The following SCHIP1 variants were observed in gnomAD, a reference collection of about 807,000 sequenced individuals.
The protein encoded by SCHIP1 is schwannomin interacting protein 1, also known as schwannomin-interacting protein 1.
A neutral mutation model predicts 29.7 loss-of-function variants in SCHIP1; 8 were observed. That is an observed-to-expected ratio of 0.27 (90% CI 0.16 to 0.49). The LOEUF is 0.49. SCHIP1 is among the 20% of genes least tolerant of loss of function. The probability of loss-of-function intolerance (pLI) is 0.99; values close to 1 mark genes in which losing one functional copy is unlikely to be tolerated. For synonymous variants in SCHIP1, 76 were observed against 94.9 expected, an observed-to-expected ratio of 0.80 and a Z score of 1.16; for missense variants, 193 against 294.6, an observed-to-expected ratio of 0.66 and a Z score of 2.52.
the SCHIP1 span, among the ~76,000 whole-genome samples, chr3:159,371,650 C>G: frequency 6.6e-6 from 1 of 152,098 alleles, no homozygotes; most frequent in Non-Finnish European, 1.5e-5. Flanking sequence ...CTGGACCTAC[C>G]AAGGATACCA....
chr3:159,440,965 G>A, the SCHIP1 span, among the ~76,000 whole-genome samples: 1 of 152,150 alleles, frequency 6.6e-6, no homozygotes, highest in Non-Finnish European at 1.5e-5. Context: ...AGACTATTTT[G>A]TCAAGAGACA....
the SCHIP1 span, among the ~76,000 whole-genome samples, chr3:159,292,618 C>T: frequency 6.6e-6 from 1 of 152,100 alleles, no homozygotes; most frequent in Non-Finnish European, 1.5e-5. Context: ...TAGTACATCC[C>T]TCATAAGAAT....
chr3:159,850,483 G>A (rs1200574102), intron 1 of SCHIP1, among the ~76,000 whole-genome samples: 3 of 148,252 alleles, frequency 2.0e-5, no homozygotes, highest in Non-Finnish European at 3.0e-5. Flanking sequence ...GAACCTGGGA[G>A]GCAGATGTTG....
chr3:159,493,130 C>T, the SCHIP1 span, among the ~76,000 whole-genome samples: 1 of 152,174 alleles, frequency 6.6e-6, no homozygotes, highest in East Asian at 1.9e-4. Flanking sequence ...ACAACAAGTA[C>T]CAGCCACTGC....
At chr3:159,806,971 T>A in the SCHIP1 span, among the ~76,000 whole-genome samples, 1 of 152,238 alleles carries the variant, frequency 6.6e-6, no homozygotes, top group Non-Finnish European at 1.5e-5. Flanking sequence ...CCTGCACTTG[T>A]CTCTTAATTA....
chr3:159,626,266 A>AGATAGATG, the SCHIP1 span, among the ~76,000 whole-genome samples: 1 of 142,202 alleles, frequency 7.0e-6, no homozygotes, highest in African/African-American at 2.8e-5. Context: ...ATAGATAGAT[A>AGATAGATG]GATAGATAGA....
the SCHIP1 span, among the ~76,000 whole-genome samples, chr3:159,319,309 C>A: frequency 6.6e-6 from 1 of 152,052 alleles, no homozygotes; most frequent in African/African-American, 2.4e-5. Context: ...TCATTTTCTC[C>A]TTAGGCTGAA....
At chr3:159,897,041 AGT>A (rs1292782662) in exon 7 of SCHIP1, 1 of 289,146 alleles carries the variant, frequency 3.5e-6, no homozygotes, top group East Asian at 5.9e-5. Flanking sequence ...AAAAGAGAGT[AGT>A]TTTAACTTTA....
the SCHIP1 span, among the ~76,000 whole-genome samples, chr3:159,612,152 G>A: frequency 1.2e-4 from 18 of 152,046 alleles, no homozygotes; most frequent in East Asian, 3.3e-3. Flanking sequence ...CAAAAAAACT[G>A]TACTTTGCAG....
the SCHIP1 span, among the ~76,000 whole-genome samples, chr3:159,350,565 A>G: frequency 6.6e-6 from 1 of 152,138 alleles, no homozygotes; most frequent in East Asian, 1.9e-4. Flanking sequence ...CTTTCAATGA[A>G]CTTGATATTT....
intron 2 of SCHIP1, among the ~76,000 whole-genome samples, chr3:159,873,396 A>G (rs1715471259): frequency 6.6e-6 from 1 of 152,180 alleles, no homozygotes; most frequent in Non-Finnish European, 1.5e-5. Context: ...ATCAAGTAAC[A>G]TGAGGGTCTG....
chr3:159,313,155 A>G, the SCHIP1 span, among the ~76,000 whole-genome samples: 1 of 152,214 alleles, frequency 6.6e-6, no homozygotes, highest in Non-Finnish European at 1.5e-5. Flanking sequence ...GTTAACAACA[A>G]AAAGCTTCTT....
At chr3:159,308,121 G>A in the SCHIP1 span, among the ~76,000 whole-genome samples, 21 of 152,064 alleles carry the variant, frequency 1.4e-4, no homozygotes, top group African/African-American at 4.1e-4. Context: ...AATGACTTTG[G>A]GAGTTTGATA....
chr3:159,424,649 T>C, the SCHIP1 span, among the ~76,000 whole-genome samples: 1 of 152,206 alleles, frequency 6.6e-6, no homozygotes, highest in East Asian at 1.9e-4. Flanking sequence ...TTCCCCAATC[T>C]AGCAAGGCAG....
At chr3:159,342,775 C>A in the SCHIP1 span, among the ~76,000 whole-genome samples, 1 of 152,054 alleles carries the variant, frequency 6.6e-6, no homozygotes. Flanking sequence ...ACTAGACAGT[C>A]CACAGTAGAA....
At chr3:159,274,714 A>T in the SCHIP1 span, 429,291 of 812,956 alleles carry the variant, frequency 0.53, 114,363 homozygotes, top group Non-Finnish European at 0.54. Flanking sequence ...AGCTATTCAA[A>T]TTTTTTTCTA....
chr3:159,713,238 A>AAGAG, the SCHIP1 span, among the ~76,000 whole-genome samples: 1 of 41,480 alleles, frequency 2.4e-5, no homozygotes, highest in East Asian at 4.9e-4. Flanking sequence ...GAAAGGAAGA[A>AAGAG]AGAAAGAAAG....
At chr3:159,331,489 C>T in the SCHIP1 span, among the ~76,000 whole-genome samples, 3 of 152,118 alleles carry the variant, frequency 2.0e-5, no homozygotes, top group Non-Finnish European at 4.4e-5. Context: ...GACACTTCCA[C>T]CTGAGTGTAC....
At chr3:159,850,884 T>G (rs1401391697) in intron 1 of SCHIP1, among the ~76,000 whole-genome samples, 2 of 152,226 alleles carry the variant, frequency 1.3e-5, no homozygotes, top group Non-Finnish European at 2.9e-5. Flanking sequence ...CCAACATTGG[T>G]GATTACAATC....
Sources: allele counts gnomAD v4.1 joint callset (sites outside exome capture counted in the v4.1 genomes callset), GRCh38; gene constraint gnomAD v4.1.1; transcripts MANE v1.5; gene names NCBI Gene and HGNC (gene_info 2026-07-23, HGNC 2026-07-21).